The following TMEM135 variants were observed in gnomAD, a reference collection of about 807,000 sequenced individuals.
The protein encoded by TMEM135 is transmembrane protein 135.
A neutral mutation model predicts 60.3 loss-of-function variants in TMEM135; 30 were observed. That is an observed-to-expected ratio of 0.50 (90% CI 0.37 to 0.68). The LOEUF is 0.68. Ranked by LOEUF, TMEM135 falls within the 30% of genes least tolerant of loss-of-function variation. The pLI is 0.00. For missense variants in TMEM135, 468 were observed against 548.8 expected (o/e 0.85, Z 1.47); for synonymous variants, 190 against 186.7 (o/e 1.02, Z -0.14).
intron 1 of TMEM135, among the ~76,000 whole-genome samples, chr11:87,047,417 A>G (rs949070424): frequency 4.0e-5 from 6 of 151,266 alleles, no homozygotes; most frequent in Non-Finnish European, 8.8e-5. Flanking sequence ...GGTTCATCTC[A>G]CTAGGGAGTG....
intron 5 of TMEM135, among the ~76,000 whole-genome samples, chr11:87,162,706 A>G (rs1938917460): frequency 6.6e-6 from 1 of 152,154 alleles, no homozygotes; most frequent in Non-Finnish European, 1.5e-5. Context: ...TTTATAGTAG[A>G]GTGATTTATA....
At chr11:87,059,698 G>A (rs1949927698) in intron 1 of TMEM135, among the ~76,000 whole-genome samples, 1 of 152,210 alleles carries the variant, frequency 6.6e-6, no homozygotes, top group Admixed American at 6.5e-5. Flanking sequence ...AGAAGGAATT[G>A]GGGTTGAATC....
intron 3 of TMEM135, among the ~76,000 whole-genome samples, chr11:87,072,038 A>G (rs1856781942): frequency 6.6e-6 from 1 of 152,066 alleles, no homozygotes; most frequent in African/African-American, 2.4e-5. Context: ...AAAAATACAA[A>G]GAATATTAGC....
At chr11:87,205,910 G>C (rs1165222175) in intron 5 of TMEM135, among the ~76,000 whole-genome samples, 2 of 152,110 alleles carry the variant, frequency 1.3e-5, no homozygotes, top group African/African-American at 2.4e-5. Context: ...GTGTCTGTTA[G>C]TTCTCCCTCA....
At chr11:87,319,452 A>G (rs1177393858) in intron 14 of TMEM135, 75 bp downstream of exon 14, 1 of 1,071,432 alleles carries the variant, frequency 9.3e-7, no homozygotes, top group Admixed American at 1.8e-5. Context: ...TTTCAGTGGT[A>G]AAGTAGGTAT....
chr11:87,179,312 C>T (rs1032180524), intron 5 of TMEM135, among the ~76,000 whole-genome samples: 5 of 151,978 alleles, frequency 3.3e-5, no homozygotes, highest in Admixed American at 6.6e-5. Flanking sequence ...ATATATTTTC[C>T]CAGATCGTGG....
chr11:87,200,229 A>G (rs530059810), intron 5 of TMEM135, among the ~76,000 whole-genome samples: 1 of 152,276 alleles, frequency 6.6e-6, no homozygotes, highest in Non-Finnish European at 1.5e-5. Context: ...AAATAGTTGT[A>G]ATTAACATGA....
rs1362110990 is a variant in TMEM135, at chr11:87,323,772, A to G, written c.*2439A>G. 3 of 453,860 alleles carry G rather than the reference A, an allele frequency of 6.6e-6. No homozygotes were observed. The highest frequency in any genetic ancestry group is 1.3e-5 in the Non-Finnish European group (3 of 226,754). 28.1% of individuals were successfully genotyped at this position (453,860 alleles called of 1,614,324 possible). On this transcript the variant is annotated 3_prime_UTR_variant, in exon 15 of 15. Transcript: ENST00000305494. ...TTTGCAAGATAACAGATTGTCTCAA[A>G]TCTATTCAATTCTCAGCAGTTTTTC...
intron 4 of TMEM135, among the ~76,000 whole-genome samples, chr11:87,124,053 T>A (rs1471416178): frequency 1.3e-5 from 2 of 152,226 alleles, no homozygotes; most frequent in East Asian, 3.8e-4. Context: ...GACTTAACAT[T>A]GCTCCTTGCA....
intron 1 of TMEM135, among the ~76,000 whole-genome samples, chr11:87,044,767 C>T (rs942371127): frequency 6.6e-6 from 1 of 151,994 alleles, no homozygotes; most frequent in Non-Finnish European, 1.5e-5. Context: ...TCTCCTGCCT[C>T]AGCCTGCCGA....
At chr11:87,170,454 T>C (rs1939202636) in intron 5 of TMEM135, among the ~76,000 whole-genome samples, 1 of 152,228 alleles carries the variant, frequency 6.6e-6, no homozygotes, top group Non-Finnish European at 1.5e-5. Context: ...GTTGGTGACC[T>C]TCCGATGGGG....
chr11:87,325,050 AAGC>A lies in TMEM135; in HGVS notation c.*3718_*3720del. 1 of 454,038 alleles carries A rather than the reference AAGC, an allele frequency of 2.2e-6. No individual in the cohort carries two copies. The highest frequency in any genetic ancestry group is 4.4e-6 in the Non-Finnish European group (1 of 226,776). The allele number at this position is 454,038 out of a possible 1,614,324, so 28.1% of individuals were successfully genotyped here. A position where few individuals can be genotyped will look rare whatever the true frequency, so the allele number is the denominator to read the frequency against. On this transcript the variant is annotated 3_prime_UTR_variant, in exon 15 of 15. Transcript: ENST00000305494. ...CTCCAGCCCTTTACTATTGGTGCTG[AAGC>A]CACCATTGGTGCCAGCTCTATAATT...
chr11:87,311,139 A>G, intron 10 of TMEM135, among the ~76,000 whole-genome samples: 1 of 151,236 alleles, frequency 6.6e-6, no homozygotes, highest in East Asian at 1.9e-4. Flanking sequence ...ACATATACAC[A>G]CTTTTTGTTG....
intron 5 of TMEM135, among the ~76,000 whole-genome samples, chr11:87,207,462 G>A (rs528648928): frequency 5.4e-4 from 81 of 151,098 alleles, no homozygotes; most frequent in Non-Finnish European, 1.1e-3. Flanking sequence ...CAAGGGCTGC[G>A]TATTTCCAGT....
chr11:87,111,349 T>C (rs1030060750), intron 4 of TMEM135, among the ~76,000 whole-genome samples: 3 of 152,248 alleles, frequency 2.0e-5, no homozygotes, highest in Non-Finnish European at 4.4e-5. Flanking sequence ...CTTCTATGTC[T>C]ATCTTTGAAA....
At chr11:87,053,722 T>C (rs986234525) in intron 1 of TMEM135, among the ~76,000 whole-genome samples, 1 of 152,204 alleles carries the variant, frequency 6.6e-6, no homozygotes, top group Non-Finnish European at 1.5e-5. Flanking sequence ...AATGGTCTTA[T>C]AATACTTCAG....
intron 6 of TMEM135, among the ~76,000 whole-genome samples, chr11:87,251,270 T>C (rs554554): frequency 0.66 from 100,012 of 151,672 alleles, 33,542 homozygotes; most frequent in Non-Finnish European, 0.71. Context: ...ATATGGAGAG[T>C]AAGAAAAAGT....
intron 1 of TMEM135, among the ~76,000 whole-genome samples, chr11:87,043,237 G>C (rs570906814): frequency 6.6e-6 from 1 of 151,900 alleles, no homozygotes; most frequent in East Asian, 1.9e-4. Context: ...TTACAGGAGT[G>C]AGCCACTGGG....
intron 2 of TMEM135, 32 bp from the exon 3 acceptor site, chr11:87,071,491 T>C: frequency 6.4e-7 from 1 of 1,566,512 alleles, no homozygotes; most frequent in South Asian, 1.1e-5. Context: ...CAACTAGGAA[T>C]TTCATACAAA....
Sources: allele counts gnomAD v4.1 joint callset (sites outside exome capture counted in the v4.1 genomes callset), GRCh38; gene constraint gnomAD v4.1.1; transcripts MANE v1.5; gene names NCBI Gene and HGNC (gene_info 2026-07-23, HGNC 2026-07-21).